PYM1: variants seen among roughly 807,000 people sequenced by gnomAD.
PYM1 encodes partner of Y14 and mago.
Under a neutral mutation model 20.7 loss-of-function variants are expected in PYM1, and 7 were observed. The observed-to-expected ratio is 0.34, with a 90% CI of 0.19 to 0.64. The LOEUF is 0.64. PYM1 is among the 30% of genes least tolerant of loss of function. The pLI, the probability that PYM1 is intolerant of heterozygous loss-of-function variation, is 0.74. For synonymous variants in PYM1, 100 were observed against 99.2 expected, an observed-to-expected ratio of 1.01 and a Z score of -0.05; for missense variants, 194 against 250.0, an observed-to-expected ratio of 0.78 and a Z score of 1.51.
chr12:55,908,803 G>A (rs1882870763), intron 1 of PYM1, among the ~76,000 whole-genome samples: 1 of 151,776 alleles, frequency 6.6e-6, no homozygotes, highest in Admixed American at 6.6e-5. Context: ...AGTGAGCCAA[G>A]ATCATACCAT....
At chr12:55,905,157 A>G (rs1369892444) in intron 1 of PYM1, among the ~76,000 whole-genome samples, 3 of 146,008 alleles carry the variant, frequency 2.1e-5, no homozygotes, top group Non-Finnish European at 3.0e-5. Context: ...GCCTGCCACC[A>G]CACCTGGCTA....
Position 55,913,375 on chromosome 12 carries a change from G to A in PYM1, c.38-9895C>T, listed in dbSNP as rs116592438. On this transcript the variant is annotated intron_variant, in intron 1 of 2. Transcript: ENST00000408946. Reference sequence around the variant, plus strand: ...TCAGGGAAGAGCAAGAATCCAGAATGTTCTGGGCAAAAAGCATATGTAACG... The same window carrying A: ...TCAGGGAAGAGCAAGAATCCAGAATATTCTGGGCAAAAAGCATATGTAACG... Among the ~76,000 whole-genome samples the A allele has an allele frequency of 4.8e-3, 738 of 152,266 alleles. 7 individuals carry two copies. The highest frequency in any genetic ancestry group is 0.015 in the African/African-American group (642 of 41,554).
intron 1 of PYM1, among the ~76,000 whole-genome samples, chr12:55,906,952 T>C (rs1022025012): frequency 1.3e-5 from 2 of 151,942 alleles, no homozygotes; most frequent in African/African-American, 4.8e-5. Context: ...CCAGCCAGTA[T>C]GGTACTATTC....
In PYM1 at chr12:55,901,452, T is replaced by TA. The variant is rs77650250; in HGVS notation, c.*419dup. The stretch of plus-strand genomic sequence containing the variant: ...TGTTTATTCTCATTTTTGCTTTTTT[T>TA]AAAAAAAAAAAAAAAATGAGGGATG... On this transcript the variant is annotated 3_prime_UTR_variant, in exon 3 of 3. Coordinates refer to ENST00000408946, the MANE Select transcript of PYM1 (RefSeq NM_032345.3). The TA allele has an allele frequency of 0.041, 5,951 of 143,734 alleles. 149 individuals carry two copies. Among genetic ancestry groups the TA allele is most frequent in the African/African-American group, 0.073 (2,760 of 37,952 alleles). The allele number at this position is 143,734 out of a possible 1,614,324, so 8.9% of individuals were successfully genotyped here.
At chr12:55,927,466 G>A in intron 1 of PYM1, 1 of 692,396 alleles carries the variant, frequency 1.4e-6, no homozygotes, top group South Asian at 1.6e-5. Flanking sequence ...CAAAAAGGGG[G>A]CCTTATAAAT....
chr12:55,916,105 C>T (rs946363309), intron 1 of PYM1, among the ~76,000 whole-genome samples: 5 of 152,112 alleles, frequency 3.3e-5, no homozygotes, highest in Non-Finnish European at 4.4e-5. Context: ...GAGGCCAAGG[C>T]GGGCGGATCA....
At chr12:55,917,289 T>C (rs1457684129) in intron 1 of PYM1, among the ~76,000 whole-genome samples, 2 of 150,350 alleles carry the variant, frequency 1.3e-5, no homozygotes, top group Admixed American at 6.6e-5. Context: ...GGCGTGGTGG[T>C]GGGTGCCTAT....
At chr12:55,906,053 G>C (rs1043809775) in intron 1 of PYM1, among the ~76,000 whole-genome samples, 1 of 146,506 alleles carries the variant, frequency 6.8e-6, no homozygotes, top group African/African-American at 2.5e-5. Context: ...TATCATTGGC[G>C]AGAAAAACTA....
At chr12:55,914,865 T>C (rs1193201786) in intron 1 of PYM1, among the ~76,000 whole-genome samples, 1 of 152,020 alleles carries the variant, frequency 6.6e-6, no homozygotes, top group Non-Finnish European at 1.5e-5. Flanking sequence ...AAATGATTCA[T>C]AGGAAAGGAA....
chr12:55,927,846 A>T lies in PYM1; in HGVS notation c.-85T>A. On this transcript the variant is annotated 5_prime_UTR_variant, in exon 1 of 3. Coordinates refer to ENST00000408946, the MANE Select transcript of PYM1 (RefSeq NM_032345.3). ...GGCGGCGCCGGGGATTCGGCGGCGAAGTGATGAGGGCCCTAGTTGCTTCTC... is the reference window on the plus strand; with the variant it reads ...GGCGGCGCCGGGGATTCGGCGGCGATGTGATGAGGGCCCTAGTTGCTTCTC... The T allele has an allele frequency of 2.0e-6, 3 of 1,492,772 alleles. No homozygotes were observed. Among genetic ancestry groups the T allele is most frequent in the Non-Finnish European group, 2.7e-6 (3 of 1,117,268 alleles). The allele number at this position is 1,492,772 out of a possible 1,614,324, so 92.5% of individuals were successfully genotyped here.
intron 1 of PYM1, among the ~76,000 whole-genome samples, chr12:55,926,379 A>AGT (rs1883187066): frequency 6.6e-6 from 1 of 152,208 alleles, no homozygotes; most frequent in Admixed American, 6.5e-5. Context: ...CAGAAGGAAT[A>AGT]GTGGGTTTTA....
intron 1 of PYM1, among the ~76,000 whole-genome samples, chr12:55,922,538 G>T (rs1254147989): frequency 6.6e-6 from 1 of 150,946 alleles, no homozygotes; most frequent in Non-Finnish European, 1.5e-5. Flanking sequence ...GATCAATTGA[G>T]ACTGGGAGGT....
chr12:55,926,516 G>GA (rs1468292719), intron 1 of PYM1, among the ~76,000 whole-genome samples: 1 of 152,304 alleles, frequency 6.6e-6, no homozygotes, highest in African/African-American at 2.4e-5. Flanking sequence ...CCATCAGGGA[G>GA]AAAACTCAAG....
intron 1 of PYM1, among the ~76,000 whole-genome samples, chr12:55,926,651 G>T (rs1883192699): frequency 6.6e-6 from 1 of 152,142 alleles, no homozygotes; most frequent in African/African-American, 2.4e-5. Flanking sequence ...ATAAAGCTTC[G>T]AGAAAAATAA....
Position 55,927,884 on chromosome 12 carries a change from T to A in PYM1, c.-123A>T. 1.6e-6 allele frequency: 2 copies of A among 1,280,998 alleles called. No individual in the cohort carries two copies. Among genetic ancestry groups the A allele is most frequent in the Non-Finnish European group, 2.1e-6 (2 of 945,606 alleles). 79.4% of individuals were successfully genotyped at this position (1,280,998 alleles called of 1,614,324 possible). A position where few individuals can be genotyped will look rare whatever the true frequency, so the allele number is the denominator to read the frequency against. On this transcript the variant is annotated 5_prime_UTR_variant, in exon 1 of 3. Coordinates refer to ENST00000408946, the MANE Select transcript of PYM1 (RefSeq NM_032345.3). ...CTAGTTGCTTCTCGCCCAGACCTCC[T>A]AACCCTGAGTGCCTCCTCGGGCTGG...
intron 1 of PYM1, chr12:55,914,326 G>T: frequency 1.4e-6 from 1 of 702,298 alleles, no homozygotes; most frequent in Non-Finnish European, 2.6e-6. Flanking sequence ...GTATCCAAGG[G>T]TGAAGTCAAA....
intron 1 of PYM1, among the ~76,000 whole-genome samples, chr12:55,917,948 A>G (rs184884319): frequency 6.6e-6 from 1 of 152,212 alleles, no homozygotes; most frequent in Admixed American, 6.5e-5. Flanking sequence ...CAACAAAGCA[A>G]GACTCCATCA....
At chr12:55,903,007 T>C (rs1018856725) in intron 2 of PYM1, among the ~76,000 whole-genome samples, 1 of 152,152 alleles carries the variant, frequency 6.6e-6, no homozygotes, top group Admixed American at 6.6e-5. Context: ...GTTCTTGAAC[T>C]CCTGACCTCA....
intron 2 of PYM1, 84 bp from the exon 3 acceptor site, chr12:55,902,439 T>A (rs1882710782): frequency 1.3e-6 from 2 of 1,493,544 alleles, no homozygotes; most frequent in Admixed American, 4.5e-5. Context: ...CACTTCATCC[T>A]CATTACATTC....
Sources: gnomAD v4.1 joint callset for allele counts (sites outside exome capture counted in the v4.1 genomes callset) on GRCh38, gnomAD v4.1.1 for gene constraint, MANE v1.5 for transcripts, NCBI Gene and HGNC (gene_info 2026-07-23, HGNC 2026-07-21) for gene names.